RBPJ: variants seen among roughly 807,000 people sequenced by gnomAD.
The protein encoded by RBPJ is recombination signal binding protein for immunoglobulin kappa J region.
A neutral mutation model predicts 67.8 loss-of-function variants in RBPJ; 9 were observed. The observed-to-expected ratio is 0.13, with a 90% CI of 0.08 to 0.23. The LOEUF (loss-of-function observed/expected upper bound fraction) is 0.23. Ranked by LOEUF, RBPJ falls within the 10% of genes least tolerant of loss-of-function variation. The pLI is 1.00. For synonymous variants in RBPJ, 198 were observed against 203.3 expected (o/e 0.97, Z 0.22); for missense variants, 305 against 595.6 (o/e 0.51, Z 5.08).
At chr4:26,350,162 A>G (rs1358128429) in intron 1 of RBPJ, among the ~76,000 whole-genome samples, 1 of 152,162 alleles carries the variant, frequency 6.6e-6, no homozygotes, top group East Asian at 1.9e-4. Context: ...CTTTCTTACA[A>G]ATTTTCATAT....
Position 26,418,523 on chromosome 4 carries a change from C to T in RBPJ, c.322-2028C>T, listed in dbSNP as rs539224887. Among the ~76,000 whole-genome samples the T allele has an allele frequency of 4.6e-5, 7 of 152,008 alleles. No homozygotes were observed. In the South Asian group the frequency reaches 1.5e-3, roughly 32 times the overall value. On this transcript the variant is annotated intron_variant, in intron 4 of 10. Transcript: ENST00000355476. ...GAGATATATGTGTGTTTGTTTTTTC[C>T]GAACAAAATGCAGTTCTTTTTGTGT... is the stretch of plus-strand genomic sequence containing the variant.
chr4:26,245,265 G>A (rs1719891399), intron 1 of RBPJ, among the ~76,000 whole-genome samples: 1 of 138,126 alleles, frequency 7.2e-6, no homozygotes, highest in South Asian at 2.2e-4. Flanking sequence ...CTGGAGTCCA[G>A]TGGTGCAATC....
chr4:26,124,763 A>G, the RBPJ span, among the ~76,000 whole-genome samples: 1 of 152,080 alleles, frequency 6.6e-6, no homozygotes, highest in Admixed American at 6.6e-5. Flanking sequence ...TATGCCTGGC[A>G]GCATAATAGG....
intron 1 of RBPJ, among the ~76,000 whole-genome samples, chr4:26,324,352 T>C (rs757744714): frequency 2.6e-5 from 4 of 151,954 alleles, no homozygotes; most frequent in South Asian, 2.1e-4. Context: ...CATAAACTTA[T>C]AGGGAAAGGG....
At chr4:26,263,170 C>G (rs992467981) in intron 1 of RBPJ, among the ~76,000 whole-genome samples, 1 of 152,018 alleles carries the variant, frequency 6.6e-6, no homozygotes, top group African/African-American at 2.4e-5. Flanking sequence ...CAAATAAACC[C>G]GAATATAAAA....
At chr4:26,136,066 A>T in the RBPJ span, among the ~76,000 whole-genome samples, 1 of 152,164 alleles carries the variant, frequency 6.6e-6, no homozygotes, top group Non-Finnish European at 1.5e-5. Context: ...GCTTATGCAG[A>T]AGAACTCCCA....
chr4:26,303,866 AAC>A (rs921670804), intron 1 of RBPJ, among the ~76,000 whole-genome samples: 25 of 152,352 alleles, frequency 1.6e-4, no homozygotes, highest in African/African-American at 5.8e-4. Flanking sequence ...GTCTTTGCTT[AAC>A]AGTTTCATTG....
intron 1 of RBPJ, among the ~76,000 whole-genome samples, chr4:26,260,511 A>T (rs986273333): frequency 7.9e-6 from 1 of 127,366 alleles, no homozygotes; most frequent in African/African-American, 5.0e-5. Context: ...CTGAGAATAT[A>T]AAAAAAAAGC....
At chr4:26,124,532 G>A in the RBPJ span, among the ~76,000 whole-genome samples, 92 of 146,086 alleles carry the variant, frequency 6.3e-4, no homozygotes, top group African/African-American at 2.3e-3. Flanking sequence ...ATTGTGAATT[G>A]TGCTGCTATA....
At chr4:26,336,844 A>G (rs1203545733) in intron 1 of RBPJ, among the ~76,000 whole-genome samples, 1 of 152,220 alleles carries the variant, frequency 6.6e-6, no homozygotes, top group Non-Finnish European at 1.5e-5. Context: ...ATTTTAAGGT[A>G]TATTTATCCT....
At chr4:26,376,671 G>A (rs996205054) in intron 1 of RBPJ, among the ~76,000 whole-genome samples, 1 of 152,176 alleles carries the variant, frequency 6.6e-6, no homozygotes, top group Non-Finnish European at 1.5e-5. Flanking sequence ...GGATCATATG[G>A]CAATTCTGTG....
chr4:26,268,829 C>T (rs1005528383), intron 1 of RBPJ, among the ~76,000 whole-genome samples: 1 of 152,012 alleles, frequency 6.6e-6, no homozygotes, highest in Non-Finnish European at 1.5e-5. Context: ...GAGTGATGCC[C>T]TTTCTATGAA....
At chr4:26,419,680 A>G (rs1226524756) in intron 4 of RBPJ, among the ~76,000 whole-genome samples, 2 of 152,202 alleles carry the variant, frequency 1.3e-5, no homozygotes, top group African/African-American at 4.8e-5. Flanking sequence ...AGCATCATTT[A>G]TCTTATCTGG....
At chr4:26,237,412 A>G (rs1719488548) in intron 1 of RBPJ, among the ~76,000 whole-genome samples, 1 of 152,198 alleles carries the variant, frequency 6.6e-6, no homozygotes, top group African/African-American at 2.4e-5. Flanking sequence ...CCTTTCTCGA[A>G]GCCTCACAGT....
At chr4:26,344,586 C>G (rs1163210072) in intron 1 of RBPJ, among the ~76,000 whole-genome samples, 1 of 152,182 alleles carries the variant, frequency 6.6e-6, no homozygotes, top group African/African-American at 2.4e-5. Flanking sequence ...TCACCTGGAG[C>G]TGACCTACAA....
At chr4:26,230,315 C>T (rs182973631) in intron 1 of RBPJ, among the ~76,000 whole-genome samples, 9 of 152,236 alleles carry the variant, frequency 5.9e-5, no homozygotes, top group East Asian at 3.9e-4. Context: ...AGGCAAACTT[C>T]GGTTTTAACT....
intron 1 of RBPJ, among the ~76,000 whole-genome samples, chr4:26,214,616 AAAAG>A (rs1448241720): frequency 5.5e-5 from 6 of 109,066 alleles, no homozygotes; most frequent in Non-Finnish European, 9.0e-5. Context: ...GAGAGAATGA[AAAAG>A]AAAAAAGAGA....
intron 1 of RBPJ, among the ~76,000 whole-genome samples, chr4:26,215,550 C>G (rs899172964): frequency 6.6e-6 from 1 of 152,090 alleles, no homozygotes; most frequent in Non-Finnish European, 1.5e-5. Context: ...ATTTGCTAAA[C>G]GACTGAAATG....
intron 1 of RBPJ, among the ~76,000 whole-genome samples, chr4:26,374,791 G>A (rs7677580): frequency 0.018 from 2,810 of 152,218 alleles, 97 homozygotes; most frequent in African/African-American, 0.064. Flanking sequence ...TCACAACATA[G>A]TGTCCATAAT....
Sources: gnomAD v4.1 joint callset for allele counts (sites outside exome capture counted in the v4.1 genomes callset) on GRCh38, gnomAD v4.1.1 for gene constraint, MANE v1.5 for transcripts, NCBI Gene and HGNC (gene_info 2026-07-23, HGNC 2026-07-21) for gene names.